Variants in ATRN observed in about 807,000 individuals in gnomAD.
The protein encoded by ATRN is attractin.
ATRN carries 54 observed loss-of-function variants against 178.7 expected under a neutral mutation model. The ratio of observed to expected loss-of-function variants is 0.30; its 90% CI spans 0.24 to 0.38. The LOEUF (loss-of-function observed/expected upper bound fraction) is 0.38, where lower values mean the gene tolerates loss of function less well. ATRN is among the 10% of genes least tolerant of loss of function. The probability of loss-of-function intolerance (pLI) is 1.00; values close to 1 mark genes in which losing one functional copy is unlikely to be tolerated. For synonymous variants in ATRN, 636 were observed against 663.0 expected (o/e 0.96, Z 0.63); for missense variants, 1,443 against 1,815.1 (o/e 0.79, Z 3.73).
At chr20:3,500,661 G>C (rs1052286354) in intron 1 of ATRN, among the ~76,000 whole-genome samples, 4 of 133,632 alleles carry the variant, frequency 3.0e-5, no homozygotes, top group Non-Finnish European at 6.1e-5. Flanking sequence ...ACAGGAAGGG[G>C]AACATCACAC....
At position 3,557,660 on chromosome 20, in the gene ATRN, C is replaced by G. The variant is rs150925646; in HGVS notation, c.1113-1733C>G. 2.0e-3 allele frequency among the ~76,000 whole-genome samples: 305 copies of G among 152,256 alleles called. 1 individual carries two copies. Among genetic ancestry groups the G allele is most frequent in the African/African-American group, 7.1e-3 (295 of 41,552 alleles). On this transcript the variant is annotated intron_variant, in intron 6 of 28. Transcript: ENST00000262919. ...TCAGCTAAAATTCAGGACTAAATAACTATGGAATTACTGTTATTGAATGTA... is the reference window on the plus strand; with the variant it reads ...TCAGCTAAAATTCAGGACTAAATAAGTATGGAATTACTGTTATTGAATGTA...
chr20:3,516,648 G>A (rs1278088519), intron 1 of ATRN, among the ~76,000 whole-genome samples: 1 of 152,142 alleles, frequency 6.6e-6, no homozygotes, highest in African/African-American at 2.4e-5. Flanking sequence ...GCCTGAATGA[G>A]GCCTGCTTCC....
rs564825443 is a variant in ATRN at position 3,471,506 on chromosome 20, G to A, written c.399G>A (p.Gly133=). The change falls in exon 1 of 29, where the codon GGG becomes GGA. Residue 133 remains glycine, a synonymous_variant. Coordinates refer to ENST00000262919, the MANE Select transcript of ATRN (RefSeq NM_139321.3). The stretch of plus-strand genomic sequence containing the variant: ...TGGGCGAGCAATGCCAGCACTGCGG[G>A]GGCCGCTTCAGGTGAGTGGCGGGTG... ...GWVGEQCQHC[G]GRFRLTGSSG... The A allele has an allele frequency of 5.7e-6, 8 of 1,404,848 alleles. No individual in the cohort carries two copies. In the Admixed American group the frequency reaches 2.5e-4, roughly 45 times the overall value. The allele number at this position is 1,404,848 out of a possible 1,614,324, so 87.0% of individuals were successfully genotyped here. A position where few individuals can be genotyped will look rare whatever the true frequency, so the allele number is the denominator to read the frequency against.
At position 3,591,893 on chromosome 20, in the gene ATRN, A is replaced by G. The variant is rs200067431; in HGVS notation, c.3322+587A>G. Reference sequence around the variant, plus strand: ...GGGAATAAAGGCTCCAGGGCTAGGAATGTGAACATGTGAAGGAGCGTGACC... The same window carrying G: ...GGGAATAAAGGCTCCAGGGCTAGGAGTGTGAACATGTGAAGGAGCGTGACC... On this transcript the variant is annotated intron_variant, in intron 19 of 28. Transcript: ENST00000262919. Among the ~76,000 whole-genome samples the G allele has an allele frequency of 2.6e-5, 4 of 152,298 alleles. No individual in the cohort carries two copies. In the East Asian group the frequency reaches 5.8e-4, roughly 22 times the overall value.
chr20:3,544,378 A>G (rs2085668011), intron 3 of ATRN, among the ~76,000 whole-genome samples: 1 of 152,210 alleles, frequency 6.6e-6, no homozygotes, highest in Admixed American at 6.5e-5. Context: ...CATCGTGTAC[A>G]TGAGCAAGTA....
chr20:3,570,326 T>C (rs1259979042), intron 11 of ATRN, among the ~76,000 whole-genome samples: 1 of 152,186 alleles, frequency 6.6e-6, no homozygotes, highest in Non-Finnish European at 1.5e-5. Context: ...AGATTTTGAT[T>C]ATTGTATCCT....
intron 1 of ATRN, among the ~76,000 whole-genome samples, chr20:3,515,899 C>G (rs1488835219): frequency 6.6e-6 from 1 of 152,128 alleles, no homozygotes; most frequent in Non-Finnish European, 1.5e-5. Context: ...TCCTTTGTAA[C>G]TAGAGGAGAG....
At chr20:3,604,077 C>T in intron 23 of ATRN, 28 bp from the exon 24 acceptor site, 1 of 1,551,284 alleles carries the variant, frequency 6.4e-7, no homozygotes. Flanking sequence ...AAAAATGTCT[C>T]TTCTCTTTCA....
chr20:3,472,393 C>G (rs1222331183), intron 1 of ATRN, among the ~76,000 whole-genome samples: 1 of 152,146 alleles, frequency 6.6e-6, no homozygotes, highest in African/African-American at 2.4e-5. Flanking sequence ...CAGAGTCATT[C>G]ACGCCTTTGA....
chr20:3,607,863 G>A (rs753265507), intron 24 of ATRN, among the ~76,000 whole-genome samples: 49 of 152,076 alleles, frequency 3.2e-4, no homozygotes, highest in Non-Finnish European at 5.6e-4. Flanking sequence ...GTCTTTCTCT[G>A]TATCCTCGCC....
intron 1 of ATRN, among the ~76,000 whole-genome samples, chr20:3,529,435 C>A (rs1037687913): frequency 1.3e-5 from 2 of 152,146 alleles, no homozygotes; most frequent in Non-Finnish European, 2.9e-5. Context: ...ATTACGTAAT[C>A]CAAGTGTCCA....
At position 3,540,203 on chromosome 20, in the gene ATRN, C is replaced by T; in HGVS notation, c.495-19C>T. 7.0e-7 allele frequency: 1 copy of T among 1,419,690 alleles called. No homozygotes were observed. The highest frequency in any genetic ancestry group is 9.7e-7 in the Non-Finnish European group (1 of 1,030,886). The allele number at this position is 1,419,690 out of a possible 1,614,324, so 87.9% of individuals were successfully genotyped here. On this transcript the variant is annotated intron_variant, in intron 2 of 28. Coordinates refer to ENST00000262919, the MANE Select transcript of ATRN (RefSeq NM_139321.3). ...GTTGTGATAACTTTATTATAAATTA[C>T]TTTTTTTATTCTTTTCAGGCCAAAT...
chr20:3,501,730 C>T (rs974259583), intron 1 of ATRN, among the ~76,000 whole-genome samples: 7 of 152,076 alleles, frequency 4.6e-5, no homozygotes, highest in Non-Finnish European at 7.4e-5. Context: ...ACAGCTTTTC[C>T]CTTGGGGGGA....
At chr20:3,518,199 G>T (rs1179115664) in intron 1 of ATRN, among the ~76,000 whole-genome samples, 1 of 152,070 alleles carries the variant, frequency 6.6e-6, no homozygotes, top group Non-Finnish European at 1.5e-5. Context: ...TGAGGGACGT[G>T]GTATAACGGG....
chr20:3,560,037 A>G (rs911637588), intron 7 of ATRN, among the ~76,000 whole-genome samples: 7 of 151,842 alleles, frequency 4.6e-5, no homozygotes, highest in Admixed American at 3.3e-4. Flanking sequence ...TTTTTAATTT[A>G]TTTTTTACTG....
chr20:3,547,250 T>C, intron 4 of ATRN, 34 bp from the exon 5 acceptor site: 4 of 1,507,538 alleles, frequency 2.7e-6, no homozygotes, highest in Non-Finnish European at 3.7e-6. Flanking sequence ...AGCGTTGCGT[T>C]GTGTTAATGT....
chr20:3,616,763 G>C (rs910072852), intron 24 of ATRN, among the ~76,000 whole-genome samples: 1 of 152,108 alleles, frequency 6.6e-6, no homozygotes, highest in Non-Finnish European at 1.5e-5. Flanking sequence ...AAGGAGCCAG[G>C]CCTAAGTCCT....
chr20:3,641,590 C>CAAAAAAAA (rs61692220), intron 27 of ATRN, among the ~76,000 whole-genome samples: 2 of 47,818 alleles, frequency 4.2e-5, no homozygotes, highest in Non-Finnish European at 6.9e-5. Context: ...GACTCTGTCG[C>CAAAAAAAA]AAAAAAAAAA....
intron 25 of ATRN, among the ~76,000 whole-genome samples, chr20:3,627,897 G>T (rs1320817516): frequency 6.6e-6 from 1 of 152,214 alleles, no homozygotes; most frequent in Non-Finnish European, 1.5e-5. Flanking sequence ...TTTAGGCCGG[G>T]TGCAGTGGCT....
Sources: gnomAD v4.1 joint callset for allele counts (sites outside exome capture counted in the v4.1 genomes callset) on GRCh38, gnomAD v4.1.1 for gene constraint, MANE v1.5 for transcripts, NCBI Gene and HGNC (gene_info 2026-07-23, HGNC 2026-07-21) for gene names.